The following JAKMIP1 variants were observed in gnomAD, a reference collection of about 807,000 sequenced individuals.
JAKMIP1 encodes janus kinase and microtubule interacting protein 1.
A neutral mutation model predicts 113.0 loss-of-function variants in JAKMIP1; 33 were observed. That is an observed-to-expected ratio of 0.29 (90% CI 0.22 to 0.39). The LOEUF is 0.39. Ranked by LOEUF, JAKMIP1 falls within the 10% of genes least tolerant of loss-of-function variation. The probability of loss-of-function intolerance (pLI) is 1.00; values close to 1 mark genes in which losing one functional copy is unlikely to be tolerated. For missense variants in JAKMIP1, 813 were observed against 1,080.5 expected (o/e 0.75, Z 3.47); for synonymous variants, 480 against 459.9 (o/e 1.04, Z -0.56).
chr4:6,169,603 T>TGTGTGTGTGTGTGTGTGTG (rs201784962), intron 1 of JAKMIP1, among the ~76,000 whole-genome samples: 5 of 137,284 alleles, frequency 3.6e-5, no homozygotes, highest in Admixed American at 6.9e-5. Context: ...CCCTAGGAAA[T>TGTGTGTGTGTGTGTGTGTG]TGTGTGTGTG....
rs1037190756 is a variant in JAKMIP1 at position 6,108,551 on chromosome 4, C to A, written c.130-2584G>T. On this transcript the variant is annotated intron_variant, in intron 2 of 20. Transcript: ENST00000409021. The surrounding 1 kb of genome is among the most constrained non-coding windows in gnomAD (Gnocchi z 5.6). The stretch of plus-strand genomic sequence containing the variant: ...AGTCAGATTCACCCCTTTCCATCCT[C>A]ATCCTCATCCAATCCAGCAGCACTG... Among the ~76,000 whole-genome samples the A allele has an allele frequency of 6.6e-6, 1 of 152,146 alleles. No homozygotes were observed. Among genetic ancestry groups the A allele is most frequent in the Non-Finnish European group, 1.5e-5 (1 of 68,032 alleles).
At position 6,036,022 on chromosome 4, in the gene JAKMIP1, T is replaced by C; in HGVS notation, c.2261A>G (p.Gln754Arg). Reference sequence around the variant, plus strand: ...CACAGCAGCCTGCAGGTCCTCCCGCTGGCCCTCGCTCAGCGCCTCACCGGC... The same window carrying C: ...CACAGCAGCCTGCAGGTCCTCCCGCCGGCCCTCGCTCAGCGCCTCACCGGC... ...RRAGEALSEG[Q>R]REDLQAAVEK... Residue 754 changes from glutamine to arginine, a missense_variant, in exon 19 of 21, where the codon CAG becomes CGG. Physicochemically the swap from Gln to Arg is conservative, Grantham distance 43. Transcript: ENST00000409021. The C allele has an allele frequency of 6.4e-7, 1 of 1,552,974 alleles. No homozygotes were observed. The highest frequency in any genetic ancestry group is 8.7e-7 in the Non-Finnish European group (1 of 1,147,728).
At chr4:6,148,522 G>C (rs1005744196) in intron 1 of JAKMIP1, among the ~76,000 whole-genome samples, 1 of 152,240 alleles carries the variant, frequency 6.6e-6, no homozygotes, top group Non-Finnish European at 1.5e-5. Flanking sequence ...ACTCTGCGCC[G>C]GGCGCATCCT....
Position 6,081,300 on chromosome 4 carries a change from G to A in JAKMIP1, c.1101+309C>T, listed in dbSNP as rs901944262. Among the ~76,000 whole-genome samples the A allele has an allele frequency of 2.6e-5, 4 of 152,184 alleles. No homozygotes were observed. Among genetic ancestry groups the A allele is most frequent in the African/African-American group, 7.2e-5 (3 of 41,438 alleles). On this transcript the variant is annotated intron_variant, in intron 6 of 20. Transcript: ENST00000409021. The surrounding 1 kb of genome is among the most constrained non-coding windows in gnomAD (Gnocchi z 4.6). ...TTACATGCTGTTATTTCATCCTCTT[G>A]ATGATCCTCCAGTGTGGATATTTTC...
At chr4:6,063,983 G>A (rs950331121) in intron 9 of JAKMIP1, among the ~76,000 whole-genome samples, 3 of 152,234 alleles carry the variant, frequency 2.0e-5, no homozygotes, top group Admixed American at 1.3e-4. Flanking sequence ...GGAGGGCACT[G>A]CCCTGAGGGC....
At chr4:6,169,991 C>CCACCCTCACCACCACCACATTCCCAT (rs1560314123) in intron 1 of JAKMIP1, among the ~76,000 whole-genome samples, 1 of 93,278 alleles carries the variant, frequency 1.1e-5, no homozygotes, top group Non-Finnish European at 2.3e-5. Flanking sequence ...ACCACCACCA[C>CCACCCTCACCACCACCACATTCCCAT]CACCACCACC....
chr4:6,071,064 T>C (rs897141115), intron 8 of JAKMIP1, among the ~76,000 whole-genome samples: 1 of 152,200 alleles, frequency 6.6e-6, no homozygotes, highest in African/African-American at 2.4e-5. Context: ...ATAAAAGAAA[T>C]GTACATAGCA....
chr4:6,068,752 T>C (rs1020767669), intron 8 of JAKMIP1, among the ~76,000 whole-genome samples: 2 of 152,088 alleles, frequency 1.3e-5, no homozygotes, highest in African/African-American at 4.8e-5. Flanking sequence ...TTTTCTTAAG[T>C]AGTGACAAGG....
At chr4:6,146,369 T>A (rs1186512368) in intron 1 of JAKMIP1, among the ~76,000 whole-genome samples, 3 of 152,182 alleles carry the variant, frequency 2.0e-5, no homozygotes, top group Admixed American at 6.5e-5. Context: ...CATGGCTGAC[T>A]GCAGCCTTGA....
intron 1 of JAKMIP1, among the ~76,000 whole-genome samples, chr4:6,164,469 C>T (rs537944382): frequency 1.3e-5 from 2 of 152,132 alleles, no homozygotes; most frequent in African/African-American, 4.8e-5. Flanking sequence ...TGTTGTCATG[C>T]CTGCTAACAC....
At chr4:6,123,381 G>A (rs1470807318) in intron 1 of JAKMIP1, among the ~76,000 whole-genome samples, 3 of 152,296 alleles carry the variant, frequency 2.0e-5, no homozygotes, top group Admixed American at 6.5e-5. Context: ...ACAGGGAACT[G>A]GAAGACAGCA....
At chr4:6,113,324 T>C (rs917505930) in intron 1 of JAKMIP1, among the ~76,000 whole-genome samples, 2 of 152,178 alleles carry the variant, frequency 1.3e-5, no homozygotes, top group African/African-American at 4.8e-5. Context: ...CTGCAGACCA[T>C]GGTCTGCCAA....
intron 5 of JAKMIP1, among the ~76,000 whole-genome samples, chr4:6,082,450 C>T (rs1720714357): frequency 6.6e-6 from 1 of 151,606 alleles, no homozygotes; most frequent in African/African-American, 2.4e-5. Context: ...TCAGTAAAGA[C>T]CCATATGTAT....
rs75531362 is a variant in JAKMIP1, at chr4:6,147,611, G to A, written c.-147-34614C>T. Reference sequence around the variant, plus strand: ...GGATCCAGCTCAAGCCTGCTGGCCAGGCAAACAAAGCCCTAACCATCTGCA... The same window carrying A: ...GGATCCAGCTCAAGCCTGCTGGCCAAGCAAACAAAGCCCTAACCATCTGCA... On this transcript the variant is annotated intron_variant, in intron 1 of 20. Transcript: ENST00000409021. 8.1e-3 allele frequency among the ~76,000 whole-genome samples: 1,227 copies of A among 152,278 alleles called. 12 individuals are homozygous for A. Among genetic ancestry groups the A allele is most frequent in the African/African-American group, 0.027 (1,104 of 41,560 alleles).
At position 6,049,799 on chromosome 4, in the gene JAKMIP1, A is replaced by G; in HGVS notation, c.1962+20T>C. On this transcript the variant is annotated intron_variant, in intron 15 of 20. Coordinates refer to ENST00000409021, the MANE Select transcript of JAKMIP1 (RefSeq NM_001099433.2). The surrounding 1 kb of genome is among the most constrained non-coding windows in gnomAD (Gnocchi z 7.0). ...ATCAAAACAAGAACACGAAAGCAGAAACCGATCGCTCATAGTTACCCCGTT... is the reference window on the plus strand; with the variant it reads ...ATCAAAACAAGAACACGAAAGCAGAGACCGATCGCTCATAGTTACCCCGTT... 1 of 1,594,606 alleles carries G rather than the reference A, an allele frequency of 6.3e-7. No individual in the cohort carries two copies. Among genetic ancestry groups the G allele is most frequent in the Non-Finnish European group, 8.6e-7 (1 of 1,162,706 alleles).
chr4:6,131,141 G>A (rs2108935965), intron 1 of JAKMIP1, among the ~76,000 whole-genome samples: 1 of 105,930 alleles, frequency 9.4e-6, no homozygotes, highest in Middle Eastern at 7.1e-3. Flanking sequence ...CAGCCTGGAT[G>A]ACAGAGTAAG....
At chr4:6,063,940 C>T (rs1717677174) in intron 9 of JAKMIP1, among the ~76,000 whole-genome samples, 1 of 152,228 alleles carries the variant, frequency 6.6e-6, no homozygotes, top group Admixed American at 6.5e-5. Context: ...GAAGTGCTCC[C>T]TCGCGAGGTA....
At position 6,186,755 on chromosome 4, in the gene JAKMIP1, T is replaced by C. The variant is rs1726696397; in HGVS notation, c.-148+13498A>G. Among the ~76,000 whole-genome samples, 1 of 152,208 alleles carries C rather than the reference T, an allele frequency of 6.6e-6. No homozygotes were observed. The highest frequency in any genetic ancestry group is 1.5e-5 in the Non-Finnish European group (1 of 68,036). On this transcript the variant is annotated intron_variant, in intron 1 of 20. Coordinates refer to ENST00000409021, the MANE Select transcript of JAKMIP1 (RefSeq NM_001099433.2). The surrounding 1 kb of genome is among the most constrained non-coding windows in gnomAD (Gnocchi z 5.5). ...ACCTCCTGTAGAGTTGTTCTATCTG[T>C]TATTGAAAGTGGGTGTTGACATATT...
chr4:6,121,604 T>C (rs1716720253), intron 1 of JAKMIP1, among the ~76,000 whole-genome samples: 1 of 152,220 alleles, frequency 6.6e-6, no homozygotes, highest in Non-Finnish European at 1.5e-5. Flanking sequence ...CCCCCGGACC[T>C]AGCAGGGAGC....
Sources: allele counts gnomAD v4.1 joint callset (sites outside exome capture counted in the v4.1 genomes callset), GRCh38; gene constraint gnomAD v4.1.1; non-coding constraint Gnocchi (gnomAD v3.1); transcripts MANE v1.5; gene names NCBI Gene and HGNC (gene_info 2026-07-23, HGNC 2026-07-21).